SEMA3E: variants seen among roughly 807,000 people sequenced by gnomAD.
SEMA3E encodes the protein semaphorin 3E.
SEMA3E carries 49 observed loss-of-function variants against 93.6 expected under a neutral mutation model. The ratio of observed to expected loss-of-function variants is 0.52; its 90% CI spans 0.42 to 0.66. The LOEUF (loss-of-function observed/expected upper bound fraction) is 0.66. Among genes scored for constraint, SEMA3E ranks in the 30% least tolerant of loss-of-function variants. The pLI, the probability that SEMA3E is intolerant of heterozygous loss-of-function variation, is 0.00. For synonymous variants in SEMA3E, 363 were observed against 330.7 expected, an observed-to-expected ratio of 1.10 and a Z score of -1.06; for missense variants, 906 against 964.8, an observed-to-expected ratio of 0.94 and a Z score of 0.81.
intron 1 of SEMA3E, among the ~76,000 whole-genome samples, chr7:83,539,927 T>A (rs115587480): frequency 0.012 from 1,693 of 141,130 alleles, 40 homozygotes; most frequent in African/African-American, 0.041. Context: ...GTTGCCCAGG[T>A]TGGAGTGTAG....
intron 12 of SEMA3E, 38 bp from the exon 13 acceptor site, chr7:83,394,376 G>C: frequency 6.5e-7 from 1 of 1,538,576 alleles, no homozygotes; most frequent in Non-Finnish European, 9.0e-7. Context: ...TAAGAAAACA[G>C]TATAAAAACA....
intron 1 of SEMA3E, among the ~76,000 whole-genome samples, chr7:83,564,502 C>T (rs976470680): frequency 6.6e-6 from 1 of 152,116 alleles, no homozygotes; most frequent in African/African-American, 2.4e-5. Context: ...CTATTTTGTA[C>T]TGTTGTTAGT....
intron 11 of SEMA3E, among the ~76,000 whole-genome samples, chr7:83,398,946 GA>G (rs375327258): frequency 1.3e-5 from 2 of 150,406 alleles, no homozygotes; most frequent in African/African-American, 2.4e-5. Flanking sequence ...CCCAGCTCAG[GA>G]AAAAACAAAC....
At chr7:83,627,628 C>CT (rs746550123) in intron 1 of SEMA3E, among the ~76,000 whole-genome samples, 5,054 of 65,166 alleles carry the variant, frequency 0.078, 304 homozygotes, top group Non-Finnish European at 0.087. Context: ...GCAACCCCTG[C>CT]TTTTTTTTTT....
In SEMA3E at chr7:83,402,766, G is replaced by T. The variant is rs965528935; in HGVS notation, c.1009C>A (p.Arg337=). 8 of 1,612,070 alleles carry T rather than the reference G, an allele frequency of 5.0e-6. No homozygotes were observed. In the East Asian group the frequency reaches 6.7e-5, roughly 14 times the overall value. The change falls in exon 10 of 17, where the codon CGA becomes AGA. Residue 337 remains arginine (R), a synonymous_variant. Coordinates refer to ENST00000643230, the MANE Select transcript of SEMA3E (RefSeq NM_012431.3). The part of the protein sequence containing the change: ...GLFNTTSNIF[R]GHAICVYHMS... ...TGATAGACACATATAGCATGCCCTC[G>T]AAAAATATTACTGAAAAATACAAAA...
In SEMA3E at chr7:83,649,109, T is replaced by G. The variant is rs1754907810; in HGVS notation, c.-567A>C. ...ACCCAGCAGGGATGCAGTCTGTCAG[T>G]GGCTGTTTACAGGAAAGTTCAGGCA... On this transcript the variant is annotated 5_prime_UTR_variant, in exon 1 of 17. Transcript: ENST00000643230. 1 of 155,428 alleles carries G rather than the reference T, an allele frequency of 6.4e-6. No individual in the cohort carries two copies. Among genetic ancestry groups the G allele is most frequent in the South Asian group, 1.9e-4 (1 of 5,222 alleles). 9.6% of individuals were successfully genotyped at this position (155,428 alleles called of 1,614,324 possible).
intron 1 of SEMA3E, among the ~76,000 whole-genome samples, chr7:83,638,797 TCA>T (rs1793931614): frequency 1.3e-5 from 2 of 151,978 alleles, no homozygotes; most frequent in African/African-American, 4.8e-5. Flanking sequence ...TCACTAAGAA[TCA>T]CACACAGGAC....
In SEMA3E at chr7:83,371,304, TAC is replaced by T. The variant is rs539877340; in HGVS notation, c.1876-3268_1876-3267del. Among the ~76,000 whole-genome samples the T allele has an allele frequency of 9.2e-5, 14 of 152,232 alleles. No individual in the cohort carries two copies. The South Asian group carries it at 2.9e-3, about 32-fold the overall frequency. ...ATGAAACAACATCCCCATGTAGTAATACACATAAAAAGTTTCAAGGTCACTTG... is the reference window on the plus strand; with the variant it reads ...ATGAAACAACATCCCCATGTAGTAATACATAAAAAGTTTCAAGGTCACTTG... On this transcript the variant is annotated intron_variant, in intron 16 of 16. Coordinates refer to ENST00000643230, the MANE Select transcript of SEMA3E (RefSeq NM_012431.3).
intron 16 of SEMA3E, among the ~76,000 whole-genome samples, chr7:83,378,156 A>G (rs1787694797): frequency 6.6e-6 from 1 of 151,878 alleles, no homozygotes. Context: ...GGAAATATAT[A>G]TAGCCACTGA....
intron 4 of SEMA3E, among the ~76,000 whole-genome samples, chr7:83,434,382 CATAAA>C (rs904648123): frequency 3.4e-4 from 52 of 152,202 alleles, no homozygotes; most frequent in African/African-American, 1.2e-3. Context: ...TCAAATGCAA[CATAAA>C]ATAGAAGATT....
intron 4 of SEMA3E, among the ~76,000 whole-genome samples, chr7:83,454,875 A>G (rs1789449123): frequency 6.6e-6 from 1 of 152,236 alleles, no homozygotes; most frequent in Admixed American, 6.5e-5. Context: ...ATTTAACTAC[A>G]GAATACAAGC....
At chr7:83,544,222 T>C (rs1791597796) in intron 1 of SEMA3E, among the ~76,000 whole-genome samples, 1 of 152,144 alleles carries the variant, frequency 6.6e-6, no homozygotes, top group Non-Finnish European at 1.5e-5. Flanking sequence ...AAATTTCTTT[T>C]ATTGTGTTCT....
intron 5 of SEMA3E, among the ~76,000 whole-genome samples, chr7:83,416,757 C>A (rs1472474269): frequency 6.6e-6 from 1 of 151,752 alleles, no homozygotes; most frequent in Non-Finnish European, 1.5e-5. Flanking sequence ...ATATTAAAAT[C>A]TTTATGAAGA....
At chr7:83,626,440 G>A (rs1055197445) in intron 1 of SEMA3E, among the ~76,000 whole-genome samples, 2 of 152,088 alleles carry the variant, frequency 1.3e-5, no homozygotes. Context: ...TTGGGAGAGT[G>A]CATGTGTCCA....
rs145590252 is a variant in SEMA3E, at chr7:83,473,565, G to A, written c.277-4263C>T. Among the ~76,000 whole-genome samples the A allele has an allele frequency of 2.8e-3, 419 of 152,230 alleles. 3 individuals are homozygous for A. Among genetic ancestry groups the A allele is most frequent in the African/African-American group, 9.4e-3 (389 of 41,528 alleles). On this transcript the variant is annotated intron_variant, in intron 2 of 16. Transcript: ENST00000643230. ...CAAATTGTAATTATTTTTAGGCTAG[G>A]AGCCAGCATTTAAAAATTTAAAAAT...
intron 4 of SEMA3E, among the ~76,000 whole-genome samples, chr7:83,435,836 A>T (rs1788993931): frequency 6.6e-6 from 1 of 152,126 alleles, no homozygotes; most frequent in African/African-American, 2.4e-5. Context: ...ATCTTCATGT[A>T]CATTTTAATT....
intron 2 of SEMA3E, among the ~76,000 whole-genome samples, chr7:83,486,154 A>T (rs1790248151): frequency 6.6e-6 from 1 of 152,092 alleles, no homozygotes; most frequent in Non-Finnish European, 1.5e-5. Context: ...AGTAGCTGGG[A>T]CTACAGGCAT....
chr7:83,635,807 C>T lies in SEMA3E; in HGVS notation c.115+12621G>A, dbSNP rs1308508467. On this transcript the variant is annotated intron_variant, in intron 1 of 16. Transcript: ENST00000643230. ...CTTCTCACTATGTTACTACCAATAG[C>T]TGTGCTTTTAAAATGATAAATGAAA... is the stretch of plus-strand genomic sequence containing the variant. 2.0e-5 allele frequency among the ~76,000 whole-genome samples: 3 copies of T among 150,814 alleles called. No homozygotes were observed. The East Asian group carries it at 5.8e-4, about 29-fold the overall frequency.
chr7:83,502,657 C>A (rs576338537), intron 1 of SEMA3E, among the ~76,000 whole-genome samples: 3 of 152,264 alleles, frequency 2.0e-5, no homozygotes, highest in African/African-American at 7.2e-5. Context: ...TAAGTTGCAC[C>A]ATTATCTTTT....
Sources: gnomAD v4.1 joint callset for allele counts (sites outside exome capture counted in the v4.1 genomes callset) on GRCh38, gnomAD v4.1.1 for gene constraint, MANE v1.5 for transcripts, NCBI Gene and HGNC (gene_info 2026-07-23, HGNC 2026-07-21) for gene names.